BCAS3: variants seen among roughly 807,000 people sequenced by gnomAD.
BCAS3 encodes BCAS4/BCAS3 fusion.
In BCAS3, 53 loss-of-function variants were observed where a neutral mutation model predicts 116.1. That is an observed-to-expected ratio of 0.46 (90% CI 0.37 to 0.57). The LOEUF (loss-of-function observed/expected upper bound fraction) is 0.57. Ranked by LOEUF, BCAS3 falls within the 20% of genes least tolerant of loss-of-function variation. The pLI is 0.00. For synonymous variants in BCAS3, 391 were observed against 408.2 expected (o/e 0.96, Z 0.51); for missense variants, 917 against 1,165.4 (o/e 0.79, Z 3.10).
chr17:60,976,904 C>T (rs982030313), intron 14 of BCAS3, among the ~76,000 whole-genome samples: 8 of 152,146 alleles, frequency 5.3e-5, no homozygotes, highest in African/African-American at 1.7e-4. Flanking sequence ...CTTTTCTATT[C>T]GACAAAACCG....
In BCAS3 at chr17:61,105,970, G is replaced by A. The variant is rs1018523327; in HGVS notation, c.2425+21406G>A. On this transcript the variant is annotated intron_variant, in intron 22 of 23. Transcript: ENST00000407086. The surrounding 1 kb of genome is among the most constrained non-coding windows in gnomAD (Gnocchi z 4.3). The stretch of plus-strand genomic sequence containing the variant: ...AATCTTACAGCATCCCTCCCAGACC[G>A]TGAATCATCCCTTTGTCTGGCATCT... Among the ~76,000 whole-genome samples the A allele has an allele frequency of 6.6e-6, 1 of 152,086 alleles. No homozygotes were observed. The highest frequency in any genetic ancestry group is 6.5e-5 in the Admixed American group (1 of 15,270).
chr17:61,209,262 A>T (rs1487042031), intron 22 of BCAS3, among the ~76,000 whole-genome samples: 1 of 152,050 alleles, frequency 6.6e-6, no homozygotes, highest in Non-Finnish European at 1.5e-5. Flanking sequence ...GAATGACTCT[A>T]GAGCCGTTTC....
At position 61,068,782 on chromosome 17, in the gene BCAS3, A is replaced by G. The variant is rs2143390777; in HGVS notation, c.2030-6138A>G. Among the ~76,000 whole-genome samples, 1 of 152,216 alleles carries G rather than the reference A, an allele frequency of 6.6e-6. No homozygotes were observed. The highest frequency in any genetic ancestry group is 1.9e-4 in the East Asian group (1 of 5,172). ...TTCTGTCTCTGCCAGTCTCGCTCCA[A>G]TCTCAGGGTATCATTCCTAATATTT... is the stretch of plus-strand genomic sequence containing the variant. On this transcript the variant is annotated intron_variant, in intron 19 of 23. Transcript: ENST00000407086. This position sits in a 1 kb window ranked among gnomAD's most constrained non-coding sequence, Gnocchi z 4.3.
At chr17:60,980,340 G>A (rs913889393) in intron 14 of BCAS3, among the ~76,000 whole-genome samples, 17 of 151,914 alleles carry the variant, frequency 1.1e-4, no homozygotes, top group African/African-American at 3.4e-4. Context: ...GGTATGAAGT[G>A]GTATCTCATT....
chr17:61,334,848 C>A (rs2056596316), intron 22 of BCAS3, among the ~76,000 whole-genome samples: 1 of 152,168 alleles, frequency 6.6e-6, no homozygotes, highest in African/African-American at 2.4e-5. Context: ...TTATTAGTGC[C>A]CAGTAAATGC....
chr17:60,750,279 A>G (rs1353895215), intron 6 of BCAS3, among the ~76,000 whole-genome samples: 1 of 152,198 alleles, frequency 6.6e-6, no homozygotes, highest in Non-Finnish European at 1.5e-5. Context: ...CTCAGTAGCC[A>G]TTTATGATTT....
chr17:60,801,566 T>A (rs1038951305), intron 6 of BCAS3, among the ~76,000 whole-genome samples: 4 of 152,162 alleles, frequency 2.6e-5, no homozygotes, highest in African/African-American at 9.7e-5. Context: ...TTGCTTTATA[T>A]CTGACCTCAG....
intron 6 of BCAS3, among the ~76,000 whole-genome samples, chr17:60,762,827 A>G (rs2043676184): frequency 6.6e-6 from 1 of 151,906 alleles, no homozygotes; most frequent in South Asian, 2.1e-4. Flanking sequence ...CTTCCTATCC[A>G]TGAGCATGGA....
rs1270244120 is a variant in BCAS3 at position 61,145,541 on chromosome 17, G to T, written c.2425+60977G>T. The stretch of plus-strand genomic sequence containing the variant: ...ACTTTGGAGATGAAAAACAGACGGA[G>T]AGAGGCATTTCCAACCATCTTGCTG... On this transcript the variant is annotated intron_variant, in intron 22 of 23. Transcript: ENST00000407086. This position sits in a 1 kb window ranked among gnomAD's most constrained non-coding sequence, Gnocchi z 5.0. Among the ~76,000 whole-genome samples, 1 of 152,156 alleles carries T rather than the reference G, an allele frequency of 6.6e-6. No individual in the cohort carries two copies.
intron 22 of BCAS3, among the ~76,000 whole-genome samples, chr17:61,305,620 G>A (rs953825243): frequency 6.6e-6 from 1 of 152,250 alleles, no homozygotes; most frequent in African/African-American, 2.4e-5. Context: ...CTGTGGCTGG[G>A]TGCAGTGGCT....
At chr17:60,738,250 T>C (rs980674559) in intron 5 of BCAS3, among the ~76,000 whole-genome samples, 3 of 152,252 alleles carry the variant, frequency 2.0e-5, no homozygotes, top group Admixed American at 1.3e-4. Flanking sequence ...AGTTCAACTA[T>C]GTCCTTTTGT....
At chr17:60,987,644 C>T (rs940378330) in intron 14 of BCAS3, among the ~76,000 whole-genome samples, 7 of 151,984 alleles carry the variant, frequency 4.6e-5, no homozygotes, top group African/African-American at 1.7e-4. Flanking sequence ...TCACATTTGG[C>T]ATGTAGAAAT....
chr17:61,234,783 GAAAA>G lies in BCAS3; in HGVS notation c.2426-133526_2426-133523del, dbSNP rs71148395. On this transcript the variant is annotated intron_variant, in intron 22 of 23. Transcript: ENST00000407086. ...TACCCTCTGGCTCAGGCTTTTTCCAGAAAAAAAAAAAAAAAAAAAAATCATAGTA... is the reference window on the plus strand; with the variant it reads ...TACCCTCTGGCTCAGGCTTTTTCCAGAAAAAAAAAAAAAAAAATCATAGTA... Among the ~76,000 whole-genome samples the G allele has an allele frequency of 4.3e-3, 608 of 143,054 alleles. 3 individuals carry two copies. The highest frequency in any genetic ancestry group is 7.3e-3 in the Middle Eastern group (2 of 274). The allele number at this position is 143,054 out of a possible 152,430, so 93.8% of individuals were successfully genotyped here.
intron 12 of BCAS3, among the ~76,000 whole-genome samples, chr17:60,920,319 C>T (rs923542903): frequency 6.6e-6 from 1 of 152,188 alleles, no homozygotes; most frequent in Admixed American, 6.5e-5. Context: ...CAGACAACTA[C>T]TTAATGGGAG....
rs79882199 is a variant in BCAS3 at position 61,300,068 on chromosome 17, T to C, written c.2426-68259T>C. The stretch of plus-strand genomic sequence containing the variant: ...GTTTTGACAAATCAGTTTATTAAAA[T>C]TGTAAATGTAACCCAGAGCTGTTTA... On this transcript the variant is annotated intron_variant, in intron 22 of 23. Coordinates refer to ENST00000407086, the MANE Select transcript of BCAS3 (RefSeq NM_017679.5). The surrounding 1 kb of genome is among the most constrained non-coding windows in gnomAD (Gnocchi z 5.1). Among the ~76,000 whole-genome samples the C allele has an allele frequency of 7.2e-3, 1,092 of 152,298 alleles. 18 individuals are homozygous for C. The highest frequency in any genetic ancestry group is 0.025 in the African/African-American group (1,051 of 41,562).
chr17:60,752,551 G>A (rs979832765), intron 6 of BCAS3, among the ~76,000 whole-genome samples: 1 of 151,824 alleles, frequency 6.6e-6, no homozygotes, highest in Non-Finnish European at 1.5e-5. Context: ...AGCCTCCCGA[G>A]TAGCTGAGAC....
At chr17:61,304,711 C>G (rs2144754404) in intron 22 of BCAS3, among the ~76,000 whole-genome samples, 1 of 152,100 alleles carries the variant, frequency 6.6e-6, no homozygotes, top group Middle Eastern at 3.4e-3. Flanking sequence ...TCCAACATGT[C>G]TTTGCAGTTC....
chr17:60,904,426 AACAAAAC>A (rs936066210), intron 11 of BCAS3, among the ~76,000 whole-genome samples: 5 of 151,972 alleles, frequency 3.3e-5, no homozygotes, highest in African/African-American at 1.2e-4. Flanking sequence ...CAAACAAACA[AACAAAAC>A]AACAAAAAAA....
chr17:60,853,881 A>T (rs1249391024), intron 7 of BCAS3, among the ~76,000 whole-genome samples: 1 of 151,934 alleles, frequency 6.6e-6, no homozygotes, highest in Non-Finnish European at 1.5e-5. Flanking sequence ...CATTGAATGG[A>T]TATATCACTT....
Sources: gnomAD v4.1 joint callset for allele counts (sites outside exome capture counted in the v4.1 genomes callset) on GRCh38, gnomAD v4.1.1 for gene constraint, Gnocchi (gnomAD v3.1) non-coding constraint, MANE v1.5 for transcripts, NCBI Gene and HGNC (gene_info 2026-07-23, HGNC 2026-07-21) for gene names.